Variants in SUMF2 observed in about 807,000 individuals in gnomAD.
SUMF2 encodes sulfatase modifying factor 2.
Under a neutral mutation model 44.8 loss-of-function variants are expected in SUMF2, and 45 were observed. The ratio of observed to expected loss-of-function variants is 1.00; its 90% confidence interval spans 0.79 to 1.29. The LOEUF (loss-of-function observed/expected upper bound fraction) is 1.29. Among genes scored for constraint, SUMF2 ranks in the 50% most tolerant of loss-of-function variants. The probability of loss-of-function intolerance (pLI) is 0.00; values close to 1 mark genes in which losing one functional copy is unlikely to be tolerated. For missense variants in SUMF2, 418 were observed against 389.9 expected, an observed-to-expected ratio of 1.07 and a Z score of -0.61; for synonymous variants, 148 against 150.4, an observed-to-expected ratio of 0.98 and a Z score of 0.12.
At chr7:56,065,837 C>T (rs1317915227) in intron 1 of SUMF2, among the ~76,000 whole-genome samples, 1 of 152,072 alleles carries the variant, frequency 6.6e-6, no homozygotes, top group Admixed American at 6.6e-5. Flanking sequence ...AATCCCAGCA[C>T]TTTAAGAGCC....
At chr7:56,066,082 C>CAAAAAAAAAAAAAAAAAAAAAAACCAA (rs71015176) in intron 1 of SUMF2, among the ~76,000 whole-genome samples, 1 of 69,688 alleles carries the variant, frequency 1.4e-5, no homozygotes, top group Non-Finnish European at 2.6e-5. Flanking sequence ...CTCCGCCTCA[C>CAAAAAAAAAAAAAAAAAAAAAAACCAA]AAAAAAAAAA....
At chr7:56,064,818 G>A (rs1794642800) in intron 1 of SUMF2, among the ~76,000 whole-genome samples, 2 of 147,620 alleles carry the variant, frequency 1.4e-5, no homozygotes, top group Non-Finnish European at 3.0e-5. Flanking sequence ...AGGAGGCGGA[G>A]GTTGCAGTGA....
At chr7:56,086,786 G>A in the SUMF2 span, 2 of 602,366 alleles carry the variant, frequency 3.3e-6, no homozygotes, top group South Asian at 2.1e-5. Context: ...GCCCACAAGT[G>A]GTGAACCCAG....
In SUMF2 at chr7:56,079,804, A is replaced by G; in HGVS notation, c.*192A>G. 6.4e-7 allele frequency: 1 copy of G among 1,552,906 alleles called. No individual in the cohort carries two copies. The highest frequency in any genetic ancestry group is 8.7e-7 in the Non-Finnish European group (1 of 1,147,410). On this transcript the variant is annotated 3_prime_UTR_variant, in exon 9 of 9. Transcript: ENST00000434526. ...GGACTCAGCCTCCTGTGTTTTGGAG[A>G]AGGGGCCCAATGTGTGTTGACGATG...
Position 56,076,900 on chromosome 7 carries a change from C to A in SUMF2, c.591+11C>A, listed in dbSNP as rs145198582. On this transcript the variant is annotated intron_variant, in intron 6 of 8. Coordinates refer to ENST00000434526, the MANE Select transcript of SUMF2 (RefSeq NM_015411.4). ...ACCAACCTGTGGCAGGTAAGACCTA[C>A]GTTCCTCCTTTCACCAAGCATTGAC... is the stretch of plus-strand genomic sequence containing the variant. 69 of 1,603,292 alleles carry A rather than the reference C, an allele frequency of 4.3e-5. No individual in the cohort carries two copies. Among genetic ancestry groups the A allele is most frequent in the Non-Finnish European group, 5.8e-5 (68 of 1,174,444 alleles).
At chr7:56,066,536 C>A (rs1794813382) in intron 1 of SUMF2, among the ~76,000 whole-genome samples, 2 of 151,736 alleles carry the variant, frequency 1.3e-5, no homozygotes, top group South Asian at 4.2e-4. Context: ...AACCTCCGCC[C>A]CCCCAGGTTC....
the SUMF2 span, among the ~76,000 whole-genome samples, chr7:56,086,575 G>A: frequency 1.3e-4 from 20 of 151,102 alleles, no homozygotes; most frequent in African/African-American, 4.8e-4. Context: ...TTCAACCTCC[G>A]CCTCCTGGGT....
intron 6 of SUMF2, 131 bp downstream of exon 6, chr7:56,077,020 C>A: frequency 2.9e-6 from 2 of 687,842 alleles, no homozygotes; most frequent in Non-Finnish European, 4.6e-6. Flanking sequence ...GCTGGTAAAG[C>A]AAAAGACAAT....
the SUMF2 span, chr7:56,087,546 G>C: frequency 6.4e-7 from 1 of 1,567,774 alleles, no homozygotes; most frequent in Non-Finnish European, 8.7e-7. Flanking sequence ...TGGGCTGTCA[G>C]GGCAGAATCA....
rs552040880 is a variant in SUMF2, at chr7:56,078,489, C to T, written c.802C>T (p.Arg268Trp). Residue 268 changes from arginine (R) to tryptophan (W), a missense_variant, in exon 8 of 9, where the codon CGG (arginine) becomes TGG (tryptophan). Coordinates refer to ENST00000434526, the MANE Select transcript of SUMF2 (RefSeq NM_015411.4). ...CACAGCTGATGGCTCTGCCAATCAC[C>T]GGGCCCGGGTCACCACCAGGTAAGG... ...IDTADGSANH[R>W]ARVTTRMGNT... The T allele has an allele frequency of 9.6e-5, 151 of 1,580,894 alleles. 1 individual carries two copies. In the South Asian group the frequency reaches 1.4e-3, roughly 15 times the overall value.
chr7:56,068,273 C>T (rs1038596767), intron 1 of SUMF2, among the ~76,000 whole-genome samples: 9 of 151,796 alleles, frequency 5.9e-5, no homozygotes, highest in Non-Finnish European at 1.3e-4. Flanking sequence ...CTGACCTCGT[C>T]ATCTACCCGC....
rs2117459582 is a variant in SUMF2, at chr7:56,074,520, T to C, written c.385-66T>C. ...TGGTAAAAGCTGAACGCGGGCGCCCTAAACCTAGCCTGCCTCCGACTTAAT... is the reference window on the plus strand; with the variant it reads ...TGGTAAAAGCTGAACGCGGGCGCCCCAAACCTAGCCTGCCTCCGACTTAAT... On this transcript the variant is annotated intron_variant, in intron 4 of 8. Transcript: ENST00000434526. 3 of 1,589,242 alleles carry C rather than the reference T, an allele frequency of 1.9e-6. No individual in the cohort carries two copies. In the East Asian group the frequency reaches 6.7e-5, roughly 36 times the overall value.
At chr7:56,072,038 G>A (rs1360541685) in intron 2 of SUMF2, among the ~76,000 whole-genome samples, 1 of 151,136 alleles carries the variant, frequency 6.6e-6, no homozygotes, top group Non-Finnish European at 1.5e-5. Context: ...AACCCAGGAG[G>A]TGGAGGTTGC....
At chr7:56,074,329 G>C in intron 4 of SUMF2, 111 bp downstream of exon 4, 1 of 1,252,466 alleles carries the variant, frequency 8.0e-7, no homozygotes, top group Non-Finnish European at 1.1e-6. Flanking sequence ...TTCAAAGAAG[G>C]ATAGGGGAAT....
chr7:56,081,061 T>C, downstream of SUMF2: 1 of 1,612,194 alleles, frequency 6.2e-7, no homozygotes, highest in Non-Finnish European at 8.5e-7. This position sits in a 1 kb window ranked among gnomAD's most constrained non-coding sequence, Gnocchi z 4.6. Context: ...CCCTCAGTAG[T>C]CCTCCTCGGC....
At chr7:56,082,052 C>T (rs1414490881), downstream of SUMF2, 20 of 1,611,386 alleles carry the variant, frequency 1.2e-5, no homozygotes, top group Non-Finnish European at 1.4e-5. Context: ...TCCACCTGGA[C>T]ATGCGAGGGC....
intron 7 of SUMF2, 47 bp downstream of exon 7, chr7:56,078,233 G>A (rs778362239): frequency 2.6e-5 from 41 of 1,585,228 alleles, no homozygotes; most frequent in Non-Finnish European, 3.3e-5. Flanking sequence ...ACTGGCTGTT[G>A]GGACCATCAT....
chr7:56,068,766 C>T, intron 2 of SUMF2, 128 bp downstream of exon 2: 1 of 1,079,672 alleles, frequency 9.3e-7, no homozygotes. Flanking sequence ...TGCAGTGGCG[C>T]AATCTCGCTC....
At chr7:56,082,918 C>T (rs1041019674), downstream of SUMF2, among the ~76,000 whole-genome samples, 8 of 152,016 alleles carry the variant, frequency 5.3e-5, no homozygotes, top group South Asian at 2.1e-4. Context: ...CCAGCCTGAC[C>T]AACATGGTGA....
Sources: gnomAD v4.1 joint callset for allele counts (sites outside exome capture counted in the v4.1 genomes callset) on GRCh38, gnomAD v4.1.1 for gene constraint, Gnocchi (gnomAD v3.1) non-coding constraint, MANE v1.5 for transcripts, NCBI Gene and HGNC (gene_info 2026-07-23, HGNC 2026-07-21) for gene names.